Variants in SLC44A5 observed in about 807,000 individuals in gnomAD.
SLC44A5 encodes solute carrier family 44 member 5.
In SLC44A5, 57 loss-of-function variants were observed where a neutral mutation model predicts 101.8. The observed-to-expected ratio is 0.56, with a 90% CI of 0.45 to 0.70. SLC44A5 has a LOEUF of 0.70. Ranked by LOEUF, SLC44A5 falls within the 30% of genes least tolerant of loss-of-function variation. The pLI is 0.00. For missense variants in SLC44A5, 737 were observed against 853.1 expected, an observed-to-expected ratio of 0.86 and a Z score of 1.70; for synonymous variants, 281 against 290.9, an observed-to-expected ratio of 0.97 and a Z score of 0.35.
chr1:75,311,507 C>T, intron 4 of SLC44A5: 2 of 966,386 alleles, frequency 2.1e-6, no homozygotes, highest in South Asian at 9.6e-5. Context: ...TACAACAAAG[C>T]ACTACAATTC....
rs1231083711 is a variant in SLC44A5, at chr1:75,462,534, AC to A, written c.14-65914del. Among the ~76,000 whole-genome samples the A allele has an allele frequency of 8.5e-5, 13 of 152,302 alleles. No individual in the cohort carries two copies. In the East Asian group the frequency reaches 2.5e-3, roughly 29 times the overall value. On this transcript the variant is annotated intron_variant, in intron 2 of 23. Coordinates refer to ENST00000370859, the MANE Select transcript of SLC44A5 (RefSeq NM_001130058.2). The stretch of plus-strand genomic sequence containing the variant: ...ATGAAAACACAACATCACCAAATGA[AC>A]TAAATAACGCATCAGGGACCAGTCC...
At chr1:75,683,427 TA>T in the SLC44A5 span, among the ~76,000 whole-genome samples, 542 of 151,760 alleles carry the variant, frequency 3.6e-3, 6 homozygotes, top group African/African-American at 0.012. Flanking sequence ...TATGCAGCCA[TA>T]AAAAATGATG....
chr1:75,668,962 C>T, the SLC44A5 span, among the ~76,000 whole-genome samples: 27 of 151,356 alleles, frequency 1.8e-4, no homozygotes, highest in Admixed American at 3.9e-4. Flanking sequence ...GCCAAGATCA[C>T]GCCACCGAAC....
At chr1:75,219,988 C>CT in intron 14 of SLC44A5, 96 bp from the exon 15 acceptor site, 1 of 636,314 alleles carries the variant, frequency 1.6e-6, no homozygotes. Flanking sequence ...ACCACGGACT[C>CT]TTTTTTGGTG....
At chr1:75,214,566 CTACATTGTTAAA>C (rs776775547) in intron 20 of SLC44A5, 27 bp downstream of exon 20, 4 of 1,519,716 alleles carry the variant, frequency 2.6e-6, no homozygotes, top group Non-Finnish European at 3.6e-6. Context: ...TCAAGGTTCA[CTACATTGTTAAA>C]TTACATTGTG....
chr1:75,504,792 T>A (rs1669154825), intron 2 of SLC44A5, among the ~76,000 whole-genome samples: 1 of 152,142 alleles, frequency 6.6e-6, no homozygotes, highest in Non-Finnish European at 1.5e-5. Flanking sequence ...ACTAGGGAAA[T>A]ACCGCTCTAT....
intron 6 of SLC44A5, among the ~76,000 whole-genome samples, chr1:75,266,404 T>C (rs1040766885): frequency 4.6e-5 from 7 of 151,998 alleles, no homozygotes; most frequent in Non-Finnish European, 8.8e-5. Flanking sequence ...AGCTATGCTA[T>C]GTTTAAGATT....
intron 2 of SLC44A5, among the ~76,000 whole-genome samples, chr1:75,455,679 C>T (rs1196194796): frequency 1.3e-5 from 2 of 151,974 alleles, no homozygotes; most frequent in Admixed American, 1.3e-4. Context: ...CAAATAACCC[C>T]ATTGAAAAGT....
the SLC44A5 span, among the ~76,000 whole-genome samples, chr1:75,699,055 T>C: frequency 7.2e-5 from 11 of 151,970 alleles, no homozygotes; most frequent in African/African-American, 2.2e-4. Context: ...ACGGGGAGAA[T>C]GGAACCAAGT....
chr1:75,608,911 A>G (rs1047602561), intron 1 of SLC44A5, among the ~76,000 whole-genome samples: 2 of 151,502 alleles, frequency 1.3e-5, no homozygotes, highest in African/African-American at 4.9e-5. Context: ...TCTTTCTGTC[A>G]TGGCACTTTT....
At chr1:75,467,231 ATGT>A (rs1666873597) in intron 2 of SLC44A5, among the ~76,000 whole-genome samples, 1 of 152,152 alleles carries the variant, frequency 6.6e-6, no homozygotes, top group African/African-American at 2.4e-5. Context: ...GAAAGAATCA[ATGT>A]TGTTAAAATG....
chr1:75,645,104 T>C, the SLC44A5 span, among the ~76,000 whole-genome samples: 4 of 152,188 alleles, frequency 2.6e-5, no homozygotes, highest in African/African-American at 9.7e-5. Flanking sequence ...CATGTGTCTT[T>C]ATAGCATCAT....
rs189070878 is a variant in SLC44A5, at chr1:75,600,280, C to G, written c.-70+10760G>C. Among the ~76,000 whole-genome samples the G allele has an allele frequency of 8.2e-4, 124 of 152,094 alleles. 1 individual carries two copies. Among genetic ancestry groups the G allele is most frequent in the African/African-American group, 2.8e-3 (118 of 41,484 alleles). ...AGATGTCATTATATAAAAGTACAAC[C>G]ATGAAAATTATATATGAACCAAGAC... On this transcript the variant is annotated intron_variant, in intron 1 of 23. Coordinates refer to ENST00000370859, the MANE Select transcript of SLC44A5 (RefSeq NM_001130058.2).
chr1:75,272,806 T>C (rs990060924), intron 6 of SLC44A5, among the ~76,000 whole-genome samples: 1 of 152,182 alleles, frequency 6.6e-6, no homozygotes, highest in Non-Finnish European at 1.5e-5. Flanking sequence ...AAAGTACAGT[T>C]TGAAGTCAGG....
chr1:75,482,291 G>T (rs952260021), intron 2 of SLC44A5, among the ~76,000 whole-genome samples: 1 of 151,650 alleles, frequency 6.6e-6, no homozygotes, highest in Non-Finnish European at 1.5e-5. Context: ...GACGGGGGAG[G>T]GATAGCATTA....
intron 3 of SLC44A5, among the ~76,000 whole-genome samples, chr1:75,385,023 C>T (rs1377867360): frequency 6.6e-6 from 1 of 152,098 alleles, no homozygotes; most frequent in Non-Finnish European, 1.5e-5. Context: ...AACAAAGACA[C>T]AACATACCAG....
At chr1:75,232,933 A>C (rs11162861) in intron 12 of SLC44A5, among the ~76,000 whole-genome samples, 25,919 of 152,212 alleles carry the variant, frequency 0.17, 2,484 homozygotes, top group Non-Finnish European at 0.22. Context: ...GAATGACAGA[A>C]ATAAGAGATT....
At chr1:75,411,405 A>G (rs553349550) in intron 2 of SLC44A5, among the ~76,000 whole-genome samples, 1 of 152,210 alleles carries the variant, frequency 6.6e-6, no homozygotes. Context: ...GCCTTTGGAG[A>G]ATGCATAATT....
intron 5 of SLC44A5, among the ~76,000 whole-genome samples, chr1:75,281,691 C>T (rs1378286639): frequency 6.8e-6 from 1 of 147,356 alleles, no homozygotes; most frequent in Non-Finnish European, 1.5e-5. Flanking sequence ...CACATCCCAG[C>T]CACTCTAGCT....
Sources: gnomAD v4.1 joint callset for allele counts (sites outside exome capture counted in the v4.1 genomes callset) on GRCh38, gnomAD v4.1.1 for gene constraint, MANE v1.5 for transcripts, NCBI Gene and HGNC (gene_info 2026-07-23, HGNC 2026-07-21) for gene names.